DLG2: variants seen among roughly 807,000 people sequenced by gnomAD.
DLG2 encodes the protein disks large homolog 2.
DLG2 carries 45 observed loss-of-function variants against 132.5 expected under a neutral mutation model. The ratio of observed to expected loss-of-function variants is 0.34; its 90% CI spans 0.27 to 0.44. The LOEUF (loss-of-function observed/expected upper bound fraction) is 0.44. Ranked by LOEUF, DLG2 falls within the 20% of genes least tolerant of loss-of-function variation. DLG2 has a pLI of 1.00. For missense variants in DLG2, 1,045 were observed against 1,196.9 expected (o/e 0.87, Z 1.87); for synonymous variants, 424 against 419.6 (o/e 1.01, Z -0.13).
At chr11:84,812,335 C>T (rs1046342173) in intron 6 of DLG2, among the ~76,000 whole-genome samples, 23 of 152,142 alleles carry the variant, frequency 1.5e-4, no homozygotes, top group Admixed American at 1.1e-3. Context: ...TTTATAGGCA[C>T]ATACTGTGTG....
intron 7 of DLG2, among the ~76,000 whole-genome samples, chr11:84,369,223 A>G (rs1168543092): frequency 6.6e-6 from 1 of 152,084 alleles, no homozygotes. Flanking sequence ...AAAAAAATAG[A>G]GAGCTCCAGA....
intron 7 of DLG2, among the ~76,000 whole-genome samples, chr11:84,519,359 A>T (rs2154516224): frequency 6.6e-6 from 1 of 152,296 alleles, no homozygotes. Context: ...TCTTTGCTAG[A>T]ATGCAACTTC....
chr11:85,202,554 G>A (rs892268531), intron 4 of DLG2, among the ~76,000 whole-genome samples: 2 of 151,968 alleles, frequency 1.3e-5, no homozygotes, highest in African/African-American at 4.8e-5. Context: ...GACCTAACAG[G>A]CATTTATAGA....
At chr11:84,217,379 C>A (rs1210760191) in intron 8 of DLG2, among the ~76,000 whole-genome samples, 1 of 152,144 alleles carries the variant, frequency 6.6e-6, no homozygotes, top group African/African-American at 2.4e-5. Flanking sequence ...GATCTGATGG[C>A]TTTATAAAGG....
At chr11:84,660,446 C>A (rs934022350) in intron 6 of DLG2, among the ~76,000 whole-genome samples, 1 of 152,128 alleles carries the variant, frequency 6.6e-6, no homozygotes, top group Non-Finnish European at 1.5e-5. Context: ...TTGGTATCTG[C>A]ATCACCATAA....
intron 18 of DLG2, among the ~76,000 whole-genome samples, chr11:83,668,068 TAAAAAAAAAAAA>T (rs3040176): frequency 3.8e-5 from 3 of 79,716 alleles, no homozygotes; most frequent in Non-Finnish European, 7.5e-5. Flanking sequence ...GGAAATGAAG[TAAAAAAAAAAAA>T]AAAAAAAAAG....
At chr11:83,908,610 C>CAATTGT (rs1174464558) in intron 15 of DLG2, among the ~76,000 whole-genome samples, 1 of 152,164 alleles carries the variant, frequency 6.6e-6, no homozygotes, top group East Asian at 1.9e-4. Context: ...TATCTTCCCA[C>CAATTGT]AATTGTCTAA....
intron 21 of DLG2, among the ~76,000 whole-genome samples, chr11:83,503,584 A>ATG (rs2094558351): frequency 6.6e-6 from 1 of 151,586 alleles, no homozygotes; most frequent in Admixed American, 6.6e-5. Flanking sequence ...TCCGATGTTC[A>ATG]AGGGTAGGAA....
intron 6 of DLG2, among the ~76,000 whole-genome samples, chr11:85,040,767 T>C (rs1282848548): frequency 6.6e-6 from 1 of 151,890 alleles, no homozygotes; most frequent in South Asian, 2.1e-4. Flanking sequence ...TTAATCCTCA[T>C]TTTTCATTCT....
intron 3 of DLG2, among the ~76,000 whole-genome samples, chr11:85,467,041 G>C (rs1425611441): frequency 6.6e-6 from 1 of 152,096 alleles, no homozygotes; most frequent in Admixed American, 6.6e-5. Context: ...TTGTAAGTTG[G>C]ATTCCTAGGT....
At chr11:83,638,044 T>C (rs904921029) in intron 18 of DLG2, among the ~76,000 whole-genome samples, 2 of 152,230 alleles carry the variant, frequency 1.3e-5, no homozygotes, top group African/African-American at 4.8e-5. Context: ...CAAGTTGTTT[T>C]ATGTTTTGGG....
intron 7 of DLG2, among the ~76,000 whole-genome samples, chr11:84,341,421 G>T (rs1185694947): frequency 6.6e-6 from 1 of 152,048 alleles, no homozygotes; most frequent in Non-Finnish European, 1.5e-5. Context: ...ATTTTTGTTG[G>T]CATTGTTTAC....
At chr11:83,617,777 T>C (rs1282908265) in intron 19 of DLG2, among the ~76,000 whole-genome samples, 2 of 152,062 alleles carry the variant, frequency 1.3e-5, no homozygotes, top group African/African-American at 2.4e-5. Flanking sequence ...TTTGGGAGGA[T>C]CACTTGTGGC....
chr11:84,942,328 T>C (rs918266236), intron 6 of DLG2, among the ~76,000 whole-genome samples: 5 of 152,208 alleles, frequency 3.3e-5, no homozygotes, highest in Non-Finnish European at 5.9e-5. Flanking sequence ...GGTTGTTTAT[T>C]TGAAGTTTTT....
intron 6 of DLG2, among the ~76,000 whole-genome samples, chr11:85,011,378 G>T (rs534838305): frequency 6.6e-6 from 1 of 152,210 alleles, no homozygotes; most frequent in East Asian, 1.9e-4. Flanking sequence ...TTTGGCGTGG[G>T]ATGATGTAAT....
chr11:85,028,914 G>A (rs57010664), intron 6 of DLG2, among the ~76,000 whole-genome samples: 2,047 of 152,272 alleles, frequency 0.013, 43 homozygotes, highest in African/African-American at 0.046. Context: ...AGCCCCAGCT[G>A]TGCCTACCCC....
chr11:83,491,518 T>C (rs909981988), intron 21 of DLG2, among the ~76,000 whole-genome samples: 4 of 152,040 alleles, frequency 2.6e-5, no homozygotes, highest in African/African-American at 9.7e-5. Flanking sequence ...AGACTGATCA[T>C]GCTAAATAAA....
chr11:85,496,050 G>A (rs1375957956), intron 3 of DLG2, among the ~76,000 whole-genome samples: 3 of 152,160 alleles, frequency 2.0e-5, no homozygotes, highest in Non-Finnish European at 2.9e-5. Flanking sequence ...GGGACTGGTT[G>A]GACAGTGGGT....
intron 7 of DLG2, among the ~76,000 whole-genome samples, chr11:84,527,703 A>G (rs2099325567): frequency 1.3e-5 from 2 of 152,216 alleles, no homozygotes. Context: ...TTTGACTGCA[A>G]GACACATTTC....
Sources: allele counts gnomAD v4.1 joint callset (sites outside exome capture counted in the v4.1 genomes callset), GRCh38; gene constraint gnomAD v4.1.1; transcripts MANE v1.5; gene names NCBI Gene and HGNC (gene_info 2026-07-23, HGNC 2026-07-21).